Variants in TMEM232 observed in about 807,000 individuals in gnomAD.
TMEM232 encodes the protein transmembrane protein 232.
TMEM232 carries 80 observed loss-of-function variants against 78.8 expected under a neutral mutation model. The observed-to-expected ratio is 1.01, with a 90% CI of 0.85 to 1.22. The LOEUF (loss-of-function observed/expected upper bound fraction) is 1.22, where lower values mean the gene tolerates loss of function less well. Among genes scored for constraint, TMEM232 ranks in the 50% most tolerant of loss-of-function variants. The probability of loss-of-function intolerance (pLI) is 0.00; values close to 1 mark genes in which losing one functional copy is unlikely to be tolerated. For synonymous variants in TMEM232, 297 were observed against 254.3 expected, an observed-to-expected ratio of 1.17 and a Z score of -1.60; for missense variants, 881 against 742.2, an observed-to-expected ratio of 1.19 and a Z score of -2.17.
At chr5:110,562,130 T>A (rs1356797620) in intron 11 of TMEM232, among the ~76,000 whole-genome samples, 1 of 152,096 alleles carries the variant, frequency 6.6e-6, no homozygotes, top group Non-Finnish European at 1.5e-5. Context: ...CACTTAAGTT[T>A]TACCCAACAT....
At chr5:110,699,893 G>A (rs1795230655) in intron 1 of TMEM232, among the ~76,000 whole-genome samples, 1 of 152,050 alleles carries the variant, frequency 6.6e-6, no homozygotes, top group Non-Finnish European at 1.5e-5. Flanking sequence ...CAGAGATAGT[G>A]CTAAGGAGTT....
At chr5:110,421,448 T>C (rs1228722855) in intron 13 of TMEM232, among the ~76,000 whole-genome samples, 1 of 151,746 alleles carries the variant, frequency 6.6e-6, no homozygotes. Context: ...GGAGGAACTT[T>C]TTTTCTCTTC....
At chr5:110,605,471 T>C (rs1233745185) in intron 9 of TMEM232, 113 bp from the exon 10 acceptor site, 6 of 1,240,226 alleles carry the variant, frequency 4.8e-6, no homozygotes, top group African/African-American at 1.5e-5. Context: ...TATATCTAAA[T>C]GTGTTCATTA....
intron 10 of TMEM232, among the ~76,000 whole-genome samples, chr5:110,587,168 A>ATG (rs1554117327): frequency 2.6e-5 from 4 of 152,046 alleles, no homozygotes; most frequent in Admixed American, 6.6e-5. Context: ...TTATATATGT[A>ATG]TGTGTGTGTG....
At chr5:110,524,411 G>A (rs1190767196) in intron 12 of TMEM232, among the ~76,000 whole-genome samples, 1 of 61,424 alleles carries the variant, frequency 1.6e-5, no homozygotes, top group Non-Finnish European at 3.8e-5. Flanking sequence ...AAGAAAGAAA[G>A]AAAGAAAAGA....
At chr5:110,623,324 C>A (rs1454747838) in intron 7 of TMEM232, among the ~76,000 whole-genome samples, 1 of 152,052 alleles carries the variant, frequency 6.6e-6, no homozygotes, top group Non-Finnish European at 1.5e-5. Context: ...AGTAATTATG[C>A]CTTTATTTCA....
intron 12 of TMEM232, among the ~76,000 whole-genome samples, chr5:110,436,362 G>A (rs569949806): frequency 4.0e-5 from 6 of 151,854 alleles, no homozygotes; most frequent in East Asian, 3.9e-4. Context: ...TATTAATGCC[G>A]TGCCACATGG....
At chr5:110,518,285 A>T (rs1237835014) in intron 12 of TMEM232, among the ~76,000 whole-genome samples, 2 of 150,184 alleles carry the variant, frequency 1.3e-5, no homozygotes, top group African/African-American at 2.5e-5. Context: ...CTATTTTTCC[A>T]GTTTATTTTT....
At chr5:110,644,210 C>T (rs758653150) in intron 2 of TMEM232, among the ~76,000 whole-genome samples, 1 of 151,878 alleles carries the variant, frequency 6.6e-6, no homozygotes, top group South Asian at 2.1e-4. Flanking sequence ...TTGGTGAACA[C>T]TGGCTGAAAA....
chr5:110,462,149 A>G (rs1761602579), intron 12 of TMEM232, among the ~76,000 whole-genome samples: 1 of 152,230 alleles, frequency 6.6e-6, no homozygotes, highest in Admixed American at 6.5e-5. Context: ...TTCTAAAAGG[A>G]TTCACCATTC....
At chr5:110,587,409 C>A (rs1010897872) in intron 10 of TMEM232, among the ~76,000 whole-genome samples, 3 of 151,952 alleles carry the variant, frequency 2.0e-5, no homozygotes, top group African/African-American at 7.2e-5. Flanking sequence ...AATACTGTGG[C>A]TGTTCAAATT....
chr5:110,490,447 C>CA, intron 12 of TMEM232, among the ~76,000 whole-genome samples: 2 of 152,246 alleles, frequency 1.3e-5, no homozygotes, highest in South Asian at 4.1e-4. Flanking sequence ...GTGAATTAAT[C>CA]AACCTATTCC....
rs190818289 is a variant in TMEM232 at position 110,554,604 on chromosome 5, C to T, written c.1455+13843G>A. On this transcript the variant is annotated intron_variant, in intron 11 of 13. Coordinates refer to ENST00000455884, the MANE Select transcript of TMEM232 (RefSeq NM_001039763.4). The stretch of plus-strand genomic sequence containing the variant: ...GGTCAATGTTTATCCGGGATATTGG[C>T]CTGAGGTTTTCTTTTCCTGTTTGTT... Among the ~76,000 whole-genome samples, 16 of 152,106 alleles carry T rather than the reference C, an allele frequency of 1.1e-4. No homozygotes were observed. In the East Asian group the frequency reaches 2.9e-3, roughly 28 times the overall value.
chr5:110,724,591 T>A (rs192387255), intron 1 of TMEM232, among the ~76,000 whole-genome samples: 1 of 152,194 alleles, frequency 6.6e-6, no homozygotes, highest in Non-Finnish European at 1.5e-5. Flanking sequence ...AGGAATCAAA[T>A]CCTAGATCAC....
upstream of TMEM232, among the ~76,000 whole-genome samples, chr5:110,731,601 C>T (rs1798685163): frequency 6.6e-6 from 1 of 150,858 alleles, no homozygotes; most frequent in South Asian, 2.1e-4. Flanking sequence ...GGTTTCCACC[C>T]TCTGAAGCCA....
intron 2 of TMEM232, among the ~76,000 whole-genome samples, chr5:110,406,263 TATACACAC>T (rs1554072890): frequency 2.5e-3 from 127 of 51,686 alleles, no homozygotes; most frequent in African/African-American, 7.9e-3. Context: ...CACAGATATA[TATACACAC>T]ACACACACAC....
intron 1 of TMEM232, among the ~76,000 whole-genome samples, chr5:110,724,496 A>C (rs1797966402): frequency 6.6e-6 from 1 of 152,256 alleles, no homozygotes; most frequent in Non-Finnish European, 1.5e-5. Context: ...AATAAATCTC[A>C]GTTAATATAA....
chr5:110,403,264 C>G (rs949088020), intron 2 of TMEM232, among the ~76,000 whole-genome samples: 1 of 152,042 alleles, frequency 6.6e-6, no homozygotes, highest in African/African-American at 2.4e-5. Flanking sequence ...TACTATAGGG[C>G]AAAGAAATAG....
intron 3 of TMEM232, among the ~76,000 whole-genome samples, chr5:110,392,034 T>C (rs1300495987): frequency 6.6e-6 from 1 of 152,218 alleles, no homozygotes; most frequent in African/African-American, 2.4e-5. Flanking sequence ...GAGCTCATAT[T>C]TCTTTGTATG....
Sources: allele counts gnomAD v4.1 joint callset (sites outside exome capture counted in the v4.1 genomes callset), GRCh38; gene constraint gnomAD v4.1.1; transcripts MANE v1.5; gene names NCBI Gene and HGNC (gene_info 2026-07-23, HGNC 2026-07-21).